The following LSAMP variants were observed in gnomAD, a reference collection of about 807,000 sequenced individuals.
The protein encoded by LSAMP is limbic system-associated membrane protein.
In LSAMP, 7 loss-of-function variants were observed where a neutral mutation model predicts 38.6. That is an observed-to-expected ratio of 0.18 (90% CI 0.10 to 0.34). The LOEUF is 0.34. Among genes scored for constraint, LSAMP ranks in the 10% least tolerant of loss-of-function variants. LSAMP has a pLI of 1.00. For synonymous variants in LSAMP, 154 were observed against 166.8 expected, an observed-to-expected ratio of 0.92 and a Z score of 0.59; for missense variants, 313 against 420.0, an observed-to-expected ratio of 0.75 and a Z score of 2.23.
intron 3 of LSAMP, among the ~76,000 whole-genome samples, chr3:115,889,496 C>A (rs1312234288): frequency 6.6e-6 from 1 of 151,754 alleles, no homozygotes; most frequent in Non-Finnish European, 1.5e-5. Flanking sequence ...AGATCCAAGT[C>A]CAGGCAAAAC....
chr3:115,967,185 T>C (rs988023577), intron 3 of LSAMP, among the ~76,000 whole-genome samples: 1 of 152,218 alleles, frequency 6.6e-6, no homozygotes, highest in Non-Finnish European at 1.5e-5. Flanking sequence ...TCTTGAATGC[T>C]TTGCTGCTTA....
intron 1 of LSAMP, among the ~76,000 whole-genome samples, chr3:116,394,376 G>T (rs2048741883): frequency 6.6e-6 from 1 of 152,096 alleles, no homozygotes. Context: ...GCCATTAATA[G>T]ACCTTAATCC....
intron 3 of LSAMP, among the ~76,000 whole-genome samples, chr3:116,013,925 T>C (rs1180278177): frequency 6.6e-6 from 1 of 152,206 alleles, no homozygotes; most frequent in Non-Finnish European, 1.5e-5. Context: ...GGCTAGGTCC[T>C]ATTCATCCTT....
chr3:116,194,145 T>C (rs1267201676), intron 1 of LSAMP, among the ~76,000 whole-genome samples: 1 of 151,990 alleles, frequency 6.6e-6, no homozygotes, highest in African/African-American at 2.4e-5. Context: ...AGGTAAGGGG[T>C]GATGGCCATT....
At chr3:116,353,447 A>G (rs770059838) in intron 1 of LSAMP, among the ~76,000 whole-genome samples, 90 of 152,214 alleles carry the variant, frequency 5.9e-4, no homozygotes, top group Non-Finnish European at 1.0e-3. Context: ...CTTCGTATGC[A>G]AAAGTTATGT....
chr3:116,110,976 T>C (rs1708598714), intron 1 of LSAMP, among the ~76,000 whole-genome samples: 2 of 151,582 alleles, frequency 1.3e-5, no homozygotes, highest in Admixed American at 1.3e-4. Context: ...AAAGGGGTTC[T>C]CTGGTGGGCA....
intron 1 of LSAMP, among the ~76,000 whole-genome samples, chr3:116,332,839 G>A (rs1053015920): frequency 2.0e-5 from 3 of 151,890 alleles, no homozygotes; most frequent in African/African-American, 7.3e-5. Context: ...GAGCCAGGAT[G>A]GCTCTACTAG....
chr3:115,914,072 T>C (rs189613189), intron 3 of LSAMP, among the ~76,000 whole-genome samples: 134 of 152,272 alleles, frequency 8.8e-4, no homozygotes, highest in Admixed American at 2.8e-3. Flanking sequence ...AAGATAATCA[T>C]AGGACTGTGG....
intron 3 of LSAMP, among the ~76,000 whole-genome samples, chr3:115,907,739 A>T (rs998900576): frequency 1.1e-4 from 16 of 152,182 alleles, no homozygotes; most frequent in South Asian, 2.1e-4. Flanking sequence ...AAAAATAAAA[A>T]GTTTTCATTG....
At chr3:116,366,013 TA>T (rs67452614) in intron 1 of LSAMP, among the ~76,000 whole-genome samples, 2,988 of 28,626 alleles carry the variant, frequency 0.1, 70 homozygotes, top group South Asian at 0.14. Context: ...TAGAGTATAA[TA>T]AAAAAAAAAA....
At chr3:116,397,872 G>T (rs2048789339) in intron 1 of LSAMP, among the ~76,000 whole-genome samples, 1 of 152,002 alleles carries the variant, frequency 6.6e-6, no homozygotes, top group Non-Finnish European at 1.5e-5. Context: ...TGTAACCCCA[G>T]GAAAGGCCTG....
chr3:116,211,887 C>A (rs2046161131), intron 1 of LSAMP, among the ~76,000 whole-genome samples: 1 of 152,186 alleles, frequency 6.6e-6, no homozygotes, highest in Non-Finnish European at 1.5e-5. Flanking sequence ...TGAGGGATGG[C>A]CAGCAGATAG....
intron 1 of LSAMP, among the ~76,000 whole-genome samples, chr3:116,269,289 A>G (rs2046938298): frequency 1.3e-5 from 2 of 152,130 alleles, no homozygotes; most frequent in Admixed American, 1.3e-4. Context: ...CCTCATTTAT[A>G]TAATGCTAAT....
intron 1 of LSAMP, among the ~76,000 whole-genome samples, chr3:116,220,535 A>G (rs974640502): frequency 6.6e-6 from 1 of 152,170 alleles, no homozygotes; most frequent in African/African-American, 2.4e-5. Flanking sequence ...GACTATTGGG[A>G]CTTAGGGACA....
chr3:116,150,537 A>G (rs1488832642), intron 1 of LSAMP, among the ~76,000 whole-genome samples: 2 of 152,002 alleles, frequency 1.3e-5, no homozygotes, highest in African/African-American at 2.4e-5. Flanking sequence ...AAAAGTGAAA[A>G]TGATGTTTCT....
intron 1 of LSAMP, among the ~76,000 whole-genome samples, chr3:116,293,139 T>C (rs918642649): frequency 2.0e-5 from 3 of 152,204 alleles, no homozygotes; most frequent in Non-Finnish European, 4.4e-5. Flanking sequence ...ACATCTCTTT[T>C]GGATGTCCAA....
intron 3 of LSAMP, among the ~76,000 whole-genome samples, chr3:116,000,310 T>C (rs539425431): frequency 6.6e-6 from 1 of 152,250 alleles, no homozygotes; most frequent in East Asian, 1.9e-4. Flanking sequence ...ACAAGAACTA[T>C]ATATGTATAT....
chr3:116,277,437 C>T (rs1378186057), intron 1 of LSAMP, among the ~76,000 whole-genome samples: 5 of 151,484 alleles, frequency 3.3e-5, no homozygotes, highest in African/African-American at 9.7e-5. Flanking sequence ...GGCGTGATCT[C>T]GGCTCACTGC....
chr3:116,310,474 A>G (rs562772116), intron 1 of LSAMP, among the ~76,000 whole-genome samples: 109 of 152,300 alleles, frequency 7.2e-4, no homozygotes, highest in African/African-American at 2.5e-3. Flanking sequence ...TGACAGAGTG[A>G]GGCACAGGCA....
Sources: allele counts gnomAD v4.1 joint callset (sites outside exome capture counted in the v4.1 genomes callset), GRCh38; gene constraint gnomAD v4.1.1; transcripts MANE v1.5; gene names NCBI Gene and HGNC (gene_info 2026-07-23, HGNC 2026-07-21).